ATG5: variants seen among roughly 807,000 people sequenced by gnomAD.
The protein encoded by ATG5 is autophagy related 5.
A neutral mutation model predicts 36.5 loss-of-function variants in ATG5; 14 were observed. The ratio of observed to expected loss-of-function variants is 0.38; its 90% CI spans 0.25 to 0.60. The LOEUF (loss-of-function observed/expected upper bound fraction) is 0.60, where lower values mean the gene tolerates loss of function less well. Ranked by LOEUF, ATG5 falls within the 20% of genes least tolerant of loss-of-function variation. The pLI is 0.60. For synonymous variants in ATG5, 95 were observed against 101.5 expected, an observed-to-expected ratio of 0.94 and a Z score of 0.38; for missense variants, 195 against 326.7, an observed-to-expected ratio of 0.60 and a Z score of 3.11.
intron 5 of ATG5, among the ~76,000 whole-genome samples, chr6:106,248,733 G>A (rs1199367920): frequency 6.6e-6 from 1 of 152,278 alleles, no homozygotes; most frequent in African/African-American, 2.4e-5. Flanking sequence ...GAGGTCAGGC[G>A]TTCCTGACCA....
At chr6:106,270,120 T>C (rs1004883964) in intron 5 of ATG5, among the ~76,000 whole-genome samples, 6 of 152,294 alleles carry the variant, frequency 3.9e-5, no homozygotes, top group African/African-American at 1.4e-4. Context: ...AATCAAGTAA[T>C]TTCAGGAGCA....
chr6:106,229,323 A>G (rs1777574870), intron 6 of ATG5, among the ~76,000 whole-genome samples: 2 of 152,138 alleles, frequency 1.3e-5, no homozygotes, highest in Admixed American at 1.3e-4. Context: ...CCTGTTCCCC[A>G]CCACCCTTGC....
At chr6:106,287,822 A>T (rs1045955742) in intron 4 of ATG5, among the ~76,000 whole-genome samples, 1 of 152,192 alleles carries the variant, frequency 6.6e-6, no homozygotes, top group Non-Finnish European at 1.5e-5. Flanking sequence ...ACATACTGTA[A>T]GTAATCTTTT....
intron 6 of ATG5, among the ~76,000 whole-genome samples, chr6:106,232,304 A>C (rs975993537): frequency 6.6e-6 from 1 of 152,136 alleles, no homozygotes; most frequent in Admixed American, 6.5e-5. Context: ...CAGTCACTAG[A>C]TACTTCTCCC....
chr6:106,309,804 G>A (rs1489128883), intron 2 of ATG5, among the ~76,000 whole-genome samples: 1 of 152,112 alleles, frequency 6.6e-6, no homozygotes, highest in Non-Finnish European at 1.5e-5. Context: ...AAATATGTAA[G>A]TATAATCTAT....
intron 5 of ATG5, among the ~76,000 whole-genome samples, chr6:106,254,635 T>C (rs960496450): frequency 3.9e-5 from 6 of 152,228 alleles, no homozygotes; most frequent in African/African-American, 1.4e-4. Flanking sequence ...GTGTGAGTTT[T>C]AGCAAGACAC....
At chr6:106,287,645 T>A (rs1780131980) in intron 4 of ATG5, among the ~76,000 whole-genome samples, 4 of 152,232 alleles carry the variant, frequency 2.6e-5, no homozygotes, top group Non-Finnish European at 1.5e-5. Flanking sequence ...TTTACTCTAT[T>A]AAACTTTATT....
chr6:106,247,751 G>A (rs2114512659), intron 6 of ATG5, among the ~76,000 whole-genome samples: 1 of 152,306 alleles, frequency 6.6e-6, no homozygotes, highest in African/African-American at 2.4e-5. Context: ...TACATACACT[G>A]TGACAAGAAG....
chr6:106,307,665 T>G (rs1770500332), intron 3 of ATG5, among the ~76,000 whole-genome samples: 1 of 148,428 alleles, frequency 6.7e-6, no homozygotes, highest in Non-Finnish European at 1.5e-5. Flanking sequence ...GCCTCCCAAA[T>G]AGCCCGGATT....
chr6:106,320,550 CACTTT>C (rs1375960245), intron 1 of ATG5, among the ~76,000 whole-genome samples: 1 of 151,460 alleles, frequency 6.6e-6, no homozygotes, highest in Non-Finnish European at 1.5e-5. Context: ...TTAGGCAAGT[CACTTT>C]ACTTCACTAA....
chr6:106,204,453 T>C lies in ATG5; in HGVS notation c.574-2364A>G, dbSNP rs1347441033. Among the ~76,000 whole-genome samples, 4 of 152,332 alleles carry C rather than the reference T, an allele frequency of 2.6e-5. 1 individual carries two copies. The South Asian group carries it at 6.2e-4, about 24-fold the overall frequency. On this transcript the variant is annotated intron_variant, in intron 6 of 7. Transcript: ENST00000369076. Reference sequence around the variant, plus strand: ...AATTCACTTCACTATTTGAACTCTTTAGGGATTATTTTTAAAAATATGATT... The same window carrying C: ...AATTCACTTCACTATTTGAACTCTTCAGGGATTATTTTTAAAAATATGATT...
At chr6:106,230,820 G>A (rs1394605724) in intron 6 of ATG5, among the ~76,000 whole-genome samples, 1 of 152,106 alleles carries the variant, frequency 6.6e-6, no homozygotes, top group African/African-American at 2.4e-5. Context: ...CATCCTGAGG[G>A]AAGCATAAAT....
Position 106,279,651 on chromosome 6 carries a change from T to G in ATG5, c.478+10A>C, listed in dbSNP as rs748972604. The G allele has an allele frequency of 6.4e-7, 1 of 1,565,464 alleles. No homozygotes were observed. Among genetic ancestry groups the G allele is most frequent in the South Asian group, 1.2e-5 (1 of 81,920 alleles). ...AGTGGTATTCTAAAATTAAACACTA[T>G]TATACTTACCATTTTGCAATCCCAT... is the stretch of plus-strand genomic sequence containing the variant. On this transcript the variant is annotated intron_variant, in intron 5 of 7. Transcript: ENST00000369076.
chr6:106,248,123 G>T, intron 6 of ATG5, 27 bp downstream of exon 6: 1 of 1,512,022 alleles, frequency 6.6e-7, no homozygotes, highest in Non-Finnish European at 9.2e-7. Context: ...TTCATAAATG[G>T]ATGTTTTTTA....
chr6:106,197,166 G>C (rs1776228970), intron 7 of ATG5, among the ~76,000 whole-genome samples: 1 of 152,060 alleles, frequency 6.6e-6, no homozygotes, highest in Admixed American at 6.6e-5. Context: ...AAAAAAGGAA[G>C]TTTAAAACAA....
At chr6:106,300,912 ATTAAAG>A (rs1278134391) in intron 3 of ATG5, among the ~76,000 whole-genome samples, 1 of 152,034 alleles carries the variant, frequency 6.6e-6, no homozygotes, top group Non-Finnish European at 1.5e-5. Flanking sequence ...AAAATTTCCC[ATTAAAG>A]TTATTTATTT....
intron 6 of ATG5, among the ~76,000 whole-genome samples, chr6:106,235,636 T>C (rs573030536): frequency 5.7e-4 from 86 of 152,042 alleles, no homozygotes; most frequent in Non-Finnish European, 1.0e-3. Context: ...AAATGCTAAT[T>C]AGACAAAAAC....
chr6:106,322,735 A>T (rs368979074), intron 1 of ATG5, among the ~76,000 whole-genome samples: 2 of 152,258 alleles, frequency 1.3e-5, no homozygotes, highest in South Asian at 4.1e-4. Context: ...TCCCTTGAAG[A>T]TCTCTCACAT....
intron 1 of ATG5, among the ~76,000 whole-genome samples, chr6:106,318,639 G>C (rs1226216562): frequency 1.3e-5 from 2 of 152,140 alleles, no homozygotes; most frequent in South Asian, 4.1e-4. Flanking sequence ...CTCAAGGGAA[G>C]AACTAACTCA....
Sources: gnomAD v4.1 joint callset for allele counts (sites outside exome capture counted in the v4.1 genomes callset) on GRCh38, gnomAD v4.1.1 for gene constraint, MANE v1.5 for transcripts, NCBI Gene and HGNC (gene_info 2026-07-23, HGNC 2026-07-21) for gene names.